Variants in EYA4 observed in about 807,000 individuals in gnomAD.
EYA4 encodes protein phosphatase EYA4.
EYA4 carries 31 observed loss-of-function variants against 87.9 expected under a neutral mutation model. The ratio of observed to expected loss-of-function variants is 0.35; its 90% CI spans 0.27 to 0.48. EYA4 has a LOEUF of 0.48. Ranked by LOEUF, EYA4 falls within the 20% of genes least tolerant of loss-of-function variation. EYA4 has a pLI of 0.99. For missense variants in EYA4, 678 were observed against 761.4 expected (o/e 0.89, Z 1.29); for synonymous variants, 263 against 270.6 (o/e 0.97, Z 0.28).
chr6:133,441,555 C>G (rs1189982470), intron 3 of EYA4, among the ~76,000 whole-genome samples: 1 of 152,150 alleles, frequency 6.6e-6, no homozygotes, highest in East Asian at 1.9e-4. Flanking sequence ...GGCACATAGC[C>G]CCTGCTGCCG....
intron 3 of EYA4, among the ~76,000 whole-genome samples, chr6:133,442,652 C>T (rs1022604195): frequency 2.6e-5 from 4 of 151,876 alleles, no homozygotes; most frequent in African/African-American, 9.7e-5. Context: ...CTAAACTTTG[C>T]TTATTTTATT....
chr6:133,354,633 G>GTATA (rs1282242455), intron 2 of EYA4, among the ~76,000 whole-genome samples: 1 of 152,190 alleles, frequency 6.6e-6, no homozygotes, highest in Middle Eastern at 3.4e-3. Flanking sequence ...TTCCATTGCC[G>GTATA]TATATTGCTT....
At chr6:133,486,924 A>G (rs935361863) in intron 13 of EYA4, among the ~76,000 whole-genome samples, 1 of 152,246 alleles carries the variant, frequency 6.6e-6, no homozygotes, top group Non-Finnish European at 1.5e-5. Flanking sequence ...AAGAACCAAA[A>G]GCCAGGTGAG....
At chr6:133,325,717 T>A (rs1034957304) in intron 2 of EYA4, among the ~76,000 whole-genome samples, 3 of 152,182 alleles carry the variant, frequency 2.0e-5, no homozygotes, top group African/African-American at 7.2e-5. Context: ...CAGCAGATGT[T>A]TTTTGTAAGG....
intron 10 of EYA4, among the ~76,000 whole-genome samples, chr6:133,466,464 A>T (rs1156256465): frequency 6.6e-6 from 1 of 152,134 alleles, no homozygotes; most frequent in Non-Finnish European, 1.5e-5. Context: ...GGGGCACACG[A>T]AGGTGGGGCT....
chr6:133,509,616 A>G (rs1263624876), intron 14 of EYA4, among the ~76,000 whole-genome samples: 2 of 152,214 alleles, frequency 1.3e-5, no homozygotes, highest in Non-Finnish European at 2.9e-5. Flanking sequence ...GTGTTTAAAT[A>G]AAGTGCTATT....
At chr6:133,354,297 A>C in intron 2 of EYA4, among the ~76,000 whole-genome samples, 1 of 152,132 alleles carries the variant, frequency 6.6e-6, no homozygotes. Flanking sequence ...TTTAACTACC[A>C]GGAGTGAACA....
At chr6:133,474,623 A>G (rs1464961705) in intron 11 of EYA4, among the ~76,000 whole-genome samples, 1 of 152,134 alleles carries the variant, frequency 6.6e-6, no homozygotes, top group Non-Finnish European at 1.5e-5. Flanking sequence ...AAATCGTAAC[A>G]ACACACATGT....
chr6:133,524,091 T>C (rs1377260240), intron 18 of EYA4, among the ~76,000 whole-genome samples: 1 of 152,154 alleles, frequency 6.6e-6, no homozygotes, highest in Admixed American at 6.6e-5. Context: ...AATTTCACAT[T>C]GTCATAAGCA....
At chr6:133,442,196 T>C (rs890893513) in intron 3 of EYA4, among the ~76,000 whole-genome samples, 1 of 152,152 alleles carries the variant, frequency 6.6e-6, no homozygotes, top group Non-Finnish European at 1.5e-5. Flanking sequence ...TTTTCTGCTT[T>C]TTGTTAGGTC....
chr6:133,429,177 A>G (rs1790961201), intron 3 of EYA4, among the ~76,000 whole-genome samples: 1 of 151,798 alleles, frequency 6.6e-6, no homozygotes, highest in African/African-American at 2.4e-5. Context: ...CACCTGCCTC[A>G]GCCTCCCAAA....
intron 3 of EYA4, chr6:133,435,165 G>C (rs1791536335): frequency 6.6e-6 from 1 of 152,188 alleles, no homozygotes; most frequent in East Asian, 1.9e-4. Context: ...TGAACAAAGG[G>C]GAAGAGTTGC....
intron 3 of EYA4, among the ~76,000 whole-genome samples, chr6:133,403,836 G>A (rs1359634160): frequency 6.6e-6 from 1 of 152,154 alleles, no homozygotes; most frequent in Admixed American, 6.5e-5. Context: ...TTGAGATGGA[G>A]TTTCGCCTTT....
At chr6:133,480,172 G>A (rs1583406539) in intron 11 of EYA4, among the ~76,000 whole-genome samples, 1 of 152,264 alleles carries the variant, frequency 6.6e-6, no homozygotes, top group East Asian at 1.9e-4. Flanking sequence ...AAGTACAGGA[G>A]TCCATGTTTT....
At chr6:133,273,948 AAG>A (rs1191319579) in intron 1 of EYA4, among the ~76,000 whole-genome samples, 1 of 151,956 alleles carries the variant, frequency 6.6e-6, no homozygotes. Flanking sequence ...AAGAGAGAGC[AAG>A]AGAGAGGATT....
chr6:133,326,190 C>T (rs896572793), intron 2 of EYA4, among the ~76,000 whole-genome samples: 5 of 152,172 alleles, frequency 3.3e-5, no homozygotes, highest in Non-Finnish European at 5.9e-5. Flanking sequence ...CCAGCCTTGA[C>T]CAGAGCTTGA....
intron 2 of EYA4, among the ~76,000 whole-genome samples, chr6:133,344,023 T>C (rs911794099): frequency 6.6e-6 from 1 of 152,212 alleles, no homozygotes; most frequent in Non-Finnish European, 1.5e-5. Context: ...ATGTTTGTCA[T>C]ATCTGATTTA....
Position 133,358,423 on chromosome 6 carries a change from C to T in EYA4, c.34-23969C>T, listed in dbSNP as rs114412466. ...AAAATTAATAAGTTAATTTTAAAAACTCCCTTTTTGTTGGAAATGCATCTA... is the reference window on the plus strand; with the variant it reads ...AAAATTAATAAGTTAATTTTAAAAATTCCCTTTTTGTTGGAAATGCATCTA... On this transcript the variant is annotated intron_variant, in intron 2 of 19. Transcript: ENST00000355286. Among the ~76,000 whole-genome samples the T allele has an allele frequency of 4.0e-3, 605 of 152,266 alleles. 5 individuals are homozygous for T. The highest frequency in any genetic ancestry group is 0.014 in the African/African-American group (587 of 41,556).
rs562842711 is a variant in EYA4, at chr6:133,483,678, TTTTA to T, written c.1191+575_1191+578del. Among the ~76,000 whole-genome samples, 138 of 132,936 alleles carry T rather than the reference TTTTA, an allele frequency of 1.0e-3. 1 individual carries two copies. Among genetic ancestry groups the T allele is most frequent in the African/African-American group, 4.0e-3 (116 of 28,944 alleles). 87.2% of individuals were successfully genotyped at this position (132,936 alleles called of 152,430 possible). A position where few individuals can be genotyped will look rare whatever the true frequency, so the allele number is the denominator to read the frequency against. On this transcript the variant is annotated intron_variant, in intron 13 of 19. Transcript: ENST00000355286. ...CTCTTGCTATTGTTTTTATTTTCTC[TTTTA>T]TTTATTTATTTCATTGTTATTATTA...
Sources: gnomAD v4.1 joint callset for allele counts (sites outside exome capture counted in the v4.1 genomes callset) on GRCh38, gnomAD v4.1.1 for gene constraint, MANE v1.5 for transcripts, NCBI Gene and HGNC (gene_info 2026-07-23, HGNC 2026-07-21) for gene names.